RANBP2: variants seen among roughly 807,000 people sequenced by gnomAD.
RANBP2 encodes RAN binding protein 2, also known as E3 SUMO-protein ligase RanBP2.
In RANBP2, 57 loss-of-function variants were observed where a neutral mutation model predicts 303.6. That is an observed-to-expected ratio of 0.19 (90% CI 0.15 to 0.23). The LOEUF is 0.23. Ranked by LOEUF, RANBP2 falls within the 10% of genes least tolerant of loss-of-function variation. The pLI, the probability that RANBP2 is intolerant of heterozygous loss-of-function variation, is 1.00. For synonymous variants in RANBP2, 1,167 were observed against 1,301.5 expected, an observed-to-expected ratio of 0.90 and a Z score of 2.23; for missense variants, 3,138 against 3,780.8, an observed-to-expected ratio of 0.83 and a Z score of 4.46.
the RANBP2 span, among the ~76,000 whole-genome samples, chr2:109,766,297 G>T: frequency 6.6e-6 from 1 of 151,028 alleles, no homozygotes; most frequent in Admixed American, 6.7e-5. Context: ...GCCTCGATGG[G>T]AAGCAGTGGA....
the RANBP2 span, among the ~76,000 whole-genome samples, chr2:109,164,642 A>AG: frequency 6.6e-6 from 1 of 152,100 alleles, no homozygotes; most frequent in Non-Finnish European, 1.5e-5. Flanking sequence ...GATCTTTGGG[A>AG]GGGGGAAAAA....
At chr2:108,790,350 A>G (rs1035796205), downstream of RANBP2, among the ~76,000 whole-genome samples, 7 of 152,186 alleles carry the variant, frequency 4.6e-5, no homozygotes, top group African/African-American at 1.4e-4. Context: ...ACTCTAAACT[A>G]TAATCTAAAG....
At chr2:109,677,650 G>A in the RANBP2 span, among the ~76,000 whole-genome samples, 2 of 152,152 alleles carry the variant, frequency 1.3e-5, no homozygotes, top group Non-Finnish European at 2.9e-5. Context: ...TGCACGTCCT[G>A]CCTTCTCTTC....
the RANBP2 span, among the ~76,000 whole-genome samples, chr2:109,353,793 G>A: frequency 6.6e-5 from 10 of 152,212 alleles, no homozygotes; most frequent in Non-Finnish European, 1.3e-4. Flanking sequence ...GTGTGCATGC[G>A]TGTGTCCGTG....
the RANBP2 span, among the ~76,000 whole-genome samples, chr2:109,374,770 G>T: frequency 6.6e-6 from 1 of 152,202 alleles, no homozygotes. Context: ...CACCTGGCAG[G>T]GTTCTACCCA....
At chr2:109,511,793 C>T in the RANBP2 span, among the ~76,000 whole-genome samples, 1 of 152,190 alleles carries the variant, frequency 6.6e-6, no homozygotes, top group African/African-American at 2.4e-5. Flanking sequence ...TGGCTGCTGC[C>T]CCATGCCCCC....
chr2:108,797,726 T>C, the RANBP2 span, among the ~76,000 whole-genome samples: 1 of 152,220 alleles, frequency 6.6e-6, no homozygotes, highest in Non-Finnish European at 1.5e-5. Context: ...TGTTTTCTTA[T>C]GCTGTCTTCT....
At chr2:109,601,477 T>C in the RANBP2 span, among the ~76,000 whole-genome samples, 1 of 152,256 alleles carries the variant, frequency 6.6e-6, no homozygotes, top group Non-Finnish European at 1.5e-5. Context: ...CATCTTAATT[T>C]AACTTCTAGT....
chr2:109,053,949 G>A, the RANBP2 span, among the ~76,000 whole-genome samples: 2 of 152,136 alleles, frequency 1.3e-5, no homozygotes, highest in African/African-American at 4.8e-5. Flanking sequence ...TGTCTTTCCA[G>A]GCTCTGGGGC....
At chr2:108,802,893 G>A in the RANBP2 span, among the ~76,000 whole-genome samples, 2 of 152,160 alleles carry the variant, frequency 1.3e-5, no homozygotes, top group African/African-American at 4.8e-5. Context: ...ATAATCACGT[G>A]GTTTTTGTCT....
the RANBP2 span, among the ~76,000 whole-genome samples, chr2:109,687,668 G>T: frequency 1.3e-5 from 2 of 151,794 alleles, no homozygotes; most frequent in Non-Finnish European, 1.5e-5. Flanking sequence ...TAGCGACTCT[G>T]TACCATTCTT....
chr2:109,480,949 C>T, the RANBP2 span, among the ~76,000 whole-genome samples: 1 of 152,120 alleles, frequency 6.6e-6, no homozygotes. Context: ...CTGGAGCTCA[C>T]TGGAGAGTTG....
chr2:108,915,717 T>C, the RANBP2 span, among the ~76,000 whole-genome samples: 1 of 151,792 alleles, frequency 6.6e-6, no homozygotes, highest in African/African-American at 2.4e-5. Flanking sequence ...GCCAACATGG[T>C]GAAACCCCAA....
chr2:109,463,922 T>A, the RANBP2 span, among the ~76,000 whole-genome samples: 1 of 151,796 alleles, frequency 6.6e-6, no homozygotes, highest in South Asian at 2.1e-4. Flanking sequence ...ACATTTAGAG[T>A]CTTCTCTTAG....
chr2:109,186,083 C>G, the RANBP2 span, among the ~76,000 whole-genome samples: 3 of 152,178 alleles, frequency 2.0e-5, no homozygotes. Context: ...TTGTACATTC[C>G]CAGGGTGATT....
At chr2:109,659,583 G>A in the RANBP2 span, among the ~76,000 whole-genome samples, 15 of 152,298 alleles carry the variant, frequency 9.8e-5, no homozygotes, top group African/African-American at 3.6e-4. Flanking sequence ...CTGGGGGCTG[G>A]ACAGCCCCTG....
chr2:109,233,926 T>A, the RANBP2 span, among the ~76,000 whole-genome samples: 2 of 152,252 alleles, frequency 1.3e-5, no homozygotes, highest in African/African-American at 4.8e-5. Context: ...CATATGGAGG[T>A]ACCACAGTTT....
intron 23 of RANBP2, among the ~76,000 whole-genome samples, chr2:108,774,143 C>T (rs189238408): frequency 1.1e-3 from 171 of 152,238 alleles, no homozygotes; most frequent in African/African-American, 3.7e-3. Context: ...TTCAAATGTT[C>T]AGAAAACTAA....
chr2:109,391,621 G>C, the RANBP2 span, among the ~76,000 whole-genome samples: 1 of 152,220 alleles, frequency 6.6e-6, no homozygotes, highest in East Asian at 1.9e-4. Context: ...CATCAGTCCA[G>C]AGTGCTGGCA....
Sources: allele counts gnomAD v4.1 joint callset (sites outside exome capture counted in the v4.1 genomes callset), GRCh38; gene constraint gnomAD v4.1.1; transcripts MANE v1.5; gene names NCBI Gene and HGNC (gene_info 2026-07-23, HGNC 2026-07-21).